Variants in TRAPPC12 observed in about 807,000 individuals in gnomAD.
TRAPPC12 encodes the protein trafficking protein particle complex subunit 12, also known as TPR repeat protein 15.
A neutral mutation model predicts 69.2 loss-of-function variants in TRAPPC12; 61 were observed. That is an observed-to-expected ratio of 0.88 (90% CI 0.72 to 1.09). The LOEUF (loss-of-function observed/expected upper bound fraction) is 1.09. Ranked by LOEUF, TRAPPC12 falls within the 50% of genes least tolerant of loss-of-function variation. TRAPPC12 has a pLI of 0.00. For synonymous variants in TRAPPC12, 469 were observed against 438.9 expected (o/e 1.07, Z -0.86); for missense variants, 1,101 against 1,016.4 (o/e 1.08, Z -1.13).
chr2:3,436,859 A>C (rs868749577), intron 5 of TRAPPC12, among the ~76,000 whole-genome samples: 2 of 33,750 alleles, frequency 5.9e-5, no homozygotes, highest in African/African-American at 2.6e-4. Context: ...TTAATACCCC[A>C]TCACCCCTGG....
chr2:3,460,024 C>A, intron 7 of TRAPPC12: 1 of 608,086 alleles, frequency 1.6e-6, no homozygotes, highest in Non-Finnish European at 3.0e-6. Context: ...TGAGCAGCCA[C>A]CCTCCTGGTT....
At chr2:3,435,556 G>A (rs779235926) in intron 5 of TRAPPC12, among the ~76,000 whole-genome samples, 8 of 152,146 alleles carry the variant, frequency 5.3e-5, no homozygotes, top group Non-Finnish European at 7.4e-5. Flanking sequence ...GCCATAGCAC[G>A]GGGGAGATTT....
At chr2:3,436,308 T>C (rs1375219326) in intron 5 of TRAPPC12, among the ~76,000 whole-genome samples, 1 of 152,136 alleles carries the variant, frequency 6.6e-6, no homozygotes, top group African/African-American at 2.4e-5. Flanking sequence ...TGGATCTGAT[T>C]TTATCTTTTT....
intron 9 of TRAPPC12, among the ~76,000 whole-genome samples, chr2:3,473,109 G>C (rs970233732): frequency 6.6e-6 from 1 of 152,208 alleles, no homozygotes. Flanking sequence ...GCTTCTGCAC[G>C]GATGCAGCCT....
intron 9 of TRAPPC12, among the ~76,000 whole-genome samples, chr2:3,470,344 C>T (rs924869806): frequency 3.3e-5 from 5 of 152,272 alleles, no homozygotes; most frequent in Admixed American, 1.3e-4. Flanking sequence ...AAAGGCCATT[C>T]TTCCAGGCCA....
At chr2:3,461,751 GC>G (rs1200732729) in intron 8 of TRAPPC12, among the ~76,000 whole-genome samples, 3 of 81,846 alleles carry the variant, frequency 3.7e-5, no homozygotes, top group African/African-American at 9.6e-5. Flanking sequence ...CCCTTCTCCA[GC>G]CCCCTCTGGC....
chr2:3,463,039 G>C (rs571404686), intron 8 of TRAPPC12: 1 of 454,018 alleles, frequency 2.2e-6, no homozygotes, highest in Non-Finnish European at 4.6e-6. Context: ...AAGAAATGGT[G>C]AAGATTGAGC....
At chr2:3,394,743 C>G (rs756032145) in intron 2 of TRAPPC12, among the ~76,000 whole-genome samples, 11 of 152,236 alleles carry the variant, frequency 7.2e-5, no homozygotes, top group Non-Finnish European at 1.3e-4. Context: ...CAGCCTTGAG[C>G]CTTTGCTGAT....
chr2:3,442,528 G>A (rs561504967), intron 5 of TRAPPC12, among the ~76,000 whole-genome samples: 15 of 152,240 alleles, frequency 9.9e-5, no homozygotes, highest in South Asian at 8.3e-4. Context: ...ACTTAAGCTC[G>A]GCCAGATATT....
chr2:3,466,303 G>A (rs568211537), intron 9 of TRAPPC12: 264 of 471,084 alleles, frequency 5.6e-4, no homozygotes, highest in Admixed American at 1.4e-3. Context: ...CTTAGGTCAC[G>A]TCCCAAACCT....
intron 3 of TRAPPC12, among the ~76,000 whole-genome samples, chr2:3,402,461 T>C (rs1342318714): frequency 6.6e-6 from 1 of 152,084 alleles, no homozygotes; most frequent in African/African-American, 2.4e-5. Flanking sequence ...TGGTGGTGCG[T>C]TCCTGTAATC....
chr2:3,409,750 T>TAA (rs71396989), intron 3 of TRAPPC12, among the ~76,000 whole-genome samples: 6,763 of 54,354 alleles, frequency 0.12, 400 homozygotes, highest in Non-Finnish European at 0.16. Flanking sequence ...ACTTTGTCTT[T>TAA]AAAAAAAAAA....
At chr2:3,406,045 A>C (rs1433344330) in intron 3 of TRAPPC12, among the ~76,000 whole-genome samples, 1 of 152,162 alleles carries the variant, frequency 6.6e-6, no homozygotes, top group African/African-American at 2.4e-5. Flanking sequence ...GCCCCAGAGC[A>C]AAGTTCCCAG....
intron 2 of TRAPPC12, among the ~76,000 whole-genome samples, chr2:3,395,560 CTTTTTTT>C (rs10671671): frequency 1.7e-5 from 2 of 118,132 alleles, no homozygotes; most frequent in Non-Finnish European, 3.4e-5. Context: ...AAAATTATTA[CTTTTTTT>C]TTTTTTTTTT....
chr2:3,385,893 C>A (rs924478467), intron 1 of TRAPPC12, among the ~76,000 whole-genome samples: 1 of 152,248 alleles, frequency 6.6e-6, no homozygotes, highest in African/African-American at 2.4e-5. Context: ...GAAGGAGCAG[C>A]CTTACCATGC....
At chr2:3,395,026 C>T (rs968043345) in intron 2 of TRAPPC12, among the ~76,000 whole-genome samples, 1 of 152,092 alleles carries the variant, frequency 6.6e-6, no homozygotes, top group African/African-American at 2.4e-5. Flanking sequence ...ATTTTCGTTT[C>T]TCTTGGGTAA....
chr2:3,456,817 G>GACCC (rs1665178254), intron 6 of TRAPPC12: 1 of 259,890 alleles, frequency 3.8e-6, no homozygotes. Context: ...GGGCTCAAGT[G>GACCC]ACCCACCTGC....
At position 3,388,397 on chromosome 2, in the gene TRAPPC12, G is replaced by A. The variant is rs1167135964; in HGVS notation, c.774G>A (p.Gly258=). ...CCCTCGCTGTGCCCGGGACCGAGGG[G>A]CGCCCCGAACCCGTGGCCATGCGAG... is the stretch of plus-strand genomic sequence containing the variant. ...PPPLAVPGTE[G]RPEPVAMRGP... Residue 258 remains glycine (G), a synonymous_variant, in exon 2 of 12, where the codon GGG becomes GGA. Transcript: ENST00000324266. 6.9e-6 allele frequency: 11 copies of A among 1,603,214 alleles called. No individual in the cohort carries two copies. In the African/African-American group the frequency reaches 1.3e-4, roughly 20 times the overall value.
chr2:3,396,267 T>G (rs545924242), intron 2 of TRAPPC12, among the ~76,000 whole-genome samples: 29 of 152,196 alleles, frequency 1.9e-4, no homozygotes, highest in African/African-American at 7.0e-4. Context: ...TTAGACCTTG[T>G]AAGATGCCAT....
Sources: allele counts gnomAD v4.1 joint callset (sites outside exome capture counted in the v4.1 genomes callset), GRCh38; gene constraint gnomAD v4.1.1; transcripts MANE v1.5; gene names NCBI Gene and HGNC (gene_info 2026-07-23, HGNC 2026-07-21).